Variants in UNG observed in about 807,000 individuals in gnomAD.
The protein encoded by UNG is uracil-DNA glycosylase.
UNG carries 34 observed loss-of-function variants against 36.5 expected under a neutral mutation model. The observed-to-expected ratio is 0.93, with a 90% CI of 0.71 to 1.24. The LOEUF (loss-of-function observed/expected upper bound fraction) is 1.24. UNG is among the 50% of genes most tolerant of loss of function. The probability of loss-of-function intolerance (pLI) is 0.00; values close to 1 mark genes in which losing one functional copy is unlikely to be tolerated. For missense variants in UNG, 391 were observed against 397.6 expected, an observed-to-expected ratio of 0.98 and a Z score of 0.14; for synonymous variants, 172 against 157.8, an observed-to-expected ratio of 1.09 and a Z score of -0.67.
Position 109,109,763 on chromosome 12 carries a change from CA to C in UNG, c.802-48del, listed in dbSNP as rs71079524. 159,194 of 1,203,846 alleles carry C rather than the reference CA, an allele frequency of 0.13. 4 individuals are homozygous for C. Among genetic ancestry groups the C allele is most frequent in the Middle Eastern group, 0.22 (997 of 4,550 alleles). The allele number at this position is 1,203,846 out of a possible 1,614,324, so 74.6% of individuals were successfully genotyped here. On this transcript the variant is annotated intron_variant, in intron 6 of 6. Coordinates refer to ENST00000242576, the MANE Select transcript of UNG (RefSeq NM_080911.3). ...ACGCCACTGCAGCAAGACTCTGTCT[CA>C]AAAAAAAAAAAAAAAAATTTAAAAA...
chr12:109,103,805 G>C (rs112836631), intron 6 of UNG, among the ~76,000 whole-genome samples, 194 bp downstream of exon 6: 1 of 152,120 alleles, frequency 6.6e-6, no homozygotes, highest in African/African-American at 2.4e-5. Flanking sequence ...TAGGGGTGAT[G>C]AGTTGTGTAT....
Position 109,109,979 on chromosome 12 carries a change from G to A in UNG, c.*10G>A. On this transcript the variant is annotated 3_prime_UTR_variant, in exon 7 of 7. Transcript: ENST00000242576. ...CTGGAAGGAGCTGTGATCATCAGCT[G>A]AGGGGTGGCCTTTGAGAAGCTGCTG... The A allele has an allele frequency of 6.2e-7, 1 of 1,614,146 alleles. No individual in the cohort carries two copies. The highest frequency in any genetic ancestry group is 8.5e-7 in the Non-Finnish European group (1 of 1,180,020).
intron 1 of UNG, chr12:109,098,077 G>A: frequency 1.4e-6 from 2 of 1,388,506 alleles, no homozygotes; most frequent in Non-Finnish European, 9.3e-7. Context: ...TCCAATCAGA[G>A]GGGAGAGGGG....
At chr12:109,105,432 A>G (rs1207283239) in intron 6 of UNG, among the ~76,000 whole-genome samples, 1 of 152,164 alleles carries the variant, frequency 6.6e-6, no homozygotes, top group East Asian at 1.9e-4. Context: ...GTAATCTTTA[A>G]TCATGGTTTG....
At position 109,098,680 on chromosome 12, in the gene UNG, G is replaced by A. The variant is rs775034465; in HGVS notation, c.339+42G>A. On this transcript the variant is annotated intron_variant, in intron 2 of 6. Coordinates refer to ENST00000242576, the MANE Select transcript of UNG (RefSeq NM_080911.3). The stretch of plus-strand genomic sequence containing the variant: ...ACCTTCCATAAGGGTAAATGTGGAG[G>A]CTGCCGGCCCTTTTGTCTTGTTAGT... The A allele has an allele frequency of 1.9e-6, 3 of 1,612,312 alleles. No homozygotes were observed. The Admixed American group carries it at 5.0e-5, about 27-fold the overall frequency.
chr12:109,099,784 G>A (rs113359403), intron 3 of UNG, among the ~76,000 whole-genome samples: 1,702 of 152,254 alleles, frequency 0.011, 32 homozygotes, highest in African/African-American at 0.038. Flanking sequence ...CTTGTGTTCA[G>A]AAGTTCGTGG....
chr12:109,107,443 G>A (rs1446842253), intron 6 of UNG, among the ~76,000 whole-genome samples: 1 of 150,470 alleles, frequency 6.6e-6, no homozygotes, highest in Non-Finnish European at 1.5e-5. Context: ...GGACTTAAAC[G>A]ATCCTCCTGC....
In UNG at chr12:109,109,438, G is replaced by A. The variant is rs3219270; in HGVS notation, c.802-391G>A. On this transcript the variant is annotated intron_variant, in intron 6 of 6. Transcript: ENST00000242576. ...AGAATTTAGAGGGCAAAGGGGAATC[G>A]CACAGGGTCTTAAAGTGCAACAGCC... Among the ~76,000 whole-genome samples the A allele has an allele frequency of 3.0e-4, 46 of 151,162 alleles. 1 individual carries two copies. In the South Asian group the frequency reaches 9.6e-3, roughly 32 times the overall value.
At chr12:109,104,882 T>C (rs1349224619) in intron 6 of UNG, among the ~76,000 whole-genome samples, 1 of 152,086 alleles carries the variant, frequency 6.6e-6, no homozygotes, top group Non-Finnish European at 1.5e-5. Flanking sequence ...AATGTGCACG[T>C]ATATTTAACC....
Position 109,097,735 on chromosome 12 carries a change from G to T in UNG, c.56G>T (p.Arg19Leu). 6.3e-7 allele frequency: 1 copy of T among 1,585,430 alleles called. No individual in the cohort carries two copies. The highest frequency in any genetic ancestry group is 1.1e-5 in the South Asian group (1 of 87,870). The change falls in exon 1 of 7, where the codon CGA becomes CTA. Residue 19 changes from arginine (R) to leucine (L), a missense_variant. Coordinates refer to ENST00000242576, the MANE Select transcript of UNG (RefSeq NM_080911.3). Reference sequence around the variant, plus strand: ...TTCTCCCCCAGCCCCGCCAGGAAGCGACACGCCCCCAGCCCCGAGCCGGCC... The same window carrying T: ...TTCTCCCCCAGCCCCGCCAGGAAGCTACACGCCCCCAGCCCCGAGCCGGCC... ...SFFSPSPARK[R>L]HAPSPEPAVQ...
intron 1 of UNG, chr12:109,098,046 C>A: frequency 1.5e-6 from 2 of 1,361,432 alleles, no homozygotes; most frequent in Non-Finnish European, 1.9e-6. Flanking sequence ...GCGCCGCAGG[C>A]CCTCCTGGCT....
At chr12:109,109,413 A>G (rs1339033991) in intron 6 of UNG, among the ~76,000 whole-genome samples, 1 of 151,668 alleles carries the variant, frequency 6.6e-6, no homozygotes, top group Non-Finnish European at 1.5e-5. Context: ...TGGAAGGGGG[A>G]GAATTTAGAG....
Position 109,109,719 on chromosome 12 carries a change from G to A in UNG, c.802-110G>A, listed in dbSNP as rs563230550. 6.2e-5 allele frequency: 86 copies of A among 1,381,624 alleles called. No individual in the cohort carries two copies. The South Asian group carries it at 8.5e-4, about 14-fold the overall frequency. The allele number at this position is 1,381,624 out of a possible 1,614,324, so 85.6% of individuals were successfully genotyped here. On this transcript the variant is annotated intron_variant, in intron 6 of 6. Transcript: ENST00000242576. Reference sequence around the variant, plus strand: ...AATCGCTTGAACCCGGGAGGCGGAGGTTGCAGTGAGTCGAGATCACGCCAC... The same window carrying A: ...AATCGCTTGAACCCGGGAGGCGGAGATTGCAGTGAGTCGAGATCACGCCAC...
intron 3 of UNG, 25 bp from the exon 4 acceptor site, chr12:109,101,877 A>G (rs2042180596): frequency 6.2e-7 from 1 of 1,604,948 alleles, no homozygotes; most frequent in Non-Finnish European, 8.5e-7. Flanking sequence ...GTATTGTTTA[A>G]TTCCTGACCC....
intron 3 of UNG, among the ~76,000 whole-genome samples, chr12:109,101,561 T>C (rs1301421778): frequency 6.6e-6 from 1 of 151,328 alleles, no homozygotes; most frequent in African/African-American, 2.4e-5. Flanking sequence ...AAAAAAAAAA[T>C]TAGGTGGGCA....
intron 6 of UNG, 38 bp downstream of exon 6, chr12:109,103,649 T>TA (rs768845756): frequency 4.5e-5 from 69 of 1,541,646 alleles, no homozygotes; most frequent in Non-Finnish European, 6.0e-5. Flanking sequence ...CTTTTTTTTT[T>TA]AACACTATAA....
rs781349708 is a variant in UNG at position 109,097,784 on chromosome 12, G to C, written c.105G>C (p.Gly35=). 6.4e-7 allele frequency: 1 copy of C among 1,556,794 alleles called. No homozygotes were observed. The highest frequency in any genetic ancestry group is 8.7e-7 in the Non-Finnish European group (1 of 1,149,862). The change falls in exon 1 of 7, where the codon GGG becomes GGC. Residue 35 remains glycine (G), a synonymous_variant. Coordinates refer to ENST00000242576, the MANE Select transcript of UNG (RefSeq NM_080911.3). ...CCGTCCAGGGGACCGGCGTGGCTGG[G>C]GTGCCTGAGGAAAGCGGAGATGCGG... The part of the protein sequence containing the change: ...EPAVQGTGVA[G]VPEESGDAAA...
At chr12:109,102,250 C>T (rs1241497824) in intron 4 of UNG, among the ~76,000 whole-genome samples, 1 of 152,122 alleles carries the variant, frequency 6.6e-6, no homozygotes, top group Non-Finnish European at 1.5e-5. Flanking sequence ...ACCCCCAGCT[C>T]GTGATAATGA....
intron 3 of UNG, chr12:109,099,494 CA>C (rs975653460): frequency 2.2e-5 from 13 of 584,346 alleles, no homozygotes; most frequent in Non-Finnish European, 3.6e-5. Flanking sequence ...AAACTATGTA[CA>C]TCCTGTGCTC....
Sources: allele counts gnomAD v4.1 joint callset (sites outside exome capture counted in the v4.1 genomes callset), GRCh38; gene constraint gnomAD v4.1.1; transcripts MANE v1.5; gene names NCBI Gene and HGNC (gene_info 2026-07-23, HGNC 2026-07-21).